The following SH3GL3 variants were observed in gnomAD, a reference collection of about 807,000 sequenced individuals.
SH3GL3 encodes the protein SH3 domain containing GRB2 like 3, endophilin A3.
Under a neutral mutation model 47.7 loss-of-function variants are expected in SH3GL3, and 33 were observed. That is an observed-to-expected ratio of 0.69 (90% CI 0.52 to 0.92). SH3GL3 has a LOEUF of 0.92. Among genes scored for constraint, SH3GL3 ranks in the 40% least tolerant of loss-of-function variants. The probability of loss-of-function intolerance (pLI) is 0.00; values close to 1 mark genes in which losing one functional copy is unlikely to be tolerated. For missense variants in SH3GL3, 363 were observed against 417.8 expected (o/e 0.87, Z 1.14); for synonymous variants, 155 against 148.8 (o/e 1.04, Z -0.30).
intron 1 of SH3GL3, among the ~76,000 whole-genome samples, chr15:83,478,786 A>G (rs1012974559): frequency 2.6e-5 from 4 of 152,214 alleles, no homozygotes; most frequent in Middle Eastern, 3.2e-3. Flanking sequence ...GGTGGACTCA[A>G]CTTTGGGGAT....
In SH3GL3 at chr15:83,559,339, T is replaced by C. The variant is rs370735489; in HGVS notation, c.114+18T>C. 1.3e-5 allele frequency: 18 copies of C among 1,358,018 alleles called. No homozygotes were observed. Among genetic ancestry groups the C allele is most frequent in the Admixed American group, 6.7e-5 (4 of 59,488 alleles). The allele number at this position is 1,358,018 out of a possible 1,614,324, so 84.1% of individuals were successfully genotyped here. A position where few individuals can be genotyped will look rare whatever the true frequency, so the allele number is the denominator to read the frequency against. Reference sequence around the variant, plus strand: ...TGGAAAGGGTAAGAGCATTTTAATATGTAAATTGATTAGAAACTGACTTTC... The same window carrying C: ...TGGAAAGGGTAAGAGCATTTTAATACGTAAATTGATTAGAAACTGACTTTC... On this transcript the variant is annotated intron_variant, in intron 2 of 8. Coordinates refer to ENST00000427482, the MANE Select transcript of SH3GL3 (RefSeq NM_003027.5).
downstream of SH3GL3, among the ~76,000 whole-genome samples, chr15:83,620,813 T>A (rs906601332): frequency 6.6e-6 from 1 of 152,258 alleles, no homozygotes; most frequent in African/African-American, 2.4e-5. Context: ...AGAGATTGAC[T>A]TCTCTAACTA....
At chr15:83,627,411 A>G in the SH3GL3 span, among the ~76,000 whole-genome samples, 20,628 of 151,008 alleles carry the variant, frequency 0.14, 1,972 homozygotes, top group East Asian at 0.27. Context: ...AAAAAAAAAA[A>G]AAGAAAAGAA....
intron 1 of SH3GL3, among the ~76,000 whole-genome samples, chr15:83,460,546 A>G (rs1169743413): frequency 1.3e-5 from 2 of 152,158 alleles, no homozygotes; most frequent in Non-Finnish European, 2.9e-5. Flanking sequence ...TTGCCTTTTC[A>G]GTAAATGGCC....
chr15:83,611,826 C>A (rs2060675594), intron 8 of SH3GL3, among the ~76,000 whole-genome samples: 1 of 152,136 alleles, frequency 6.6e-6, no homozygotes, highest in Non-Finnish European at 1.5e-5. Flanking sequence ...TTGAGGAAAT[C>A]CAGCCCATTC....
In SH3GL3 at chr15:83,581,557, C is replaced by T. The variant is rs1042170981; in HGVS notation, c.624+4816C>T. Among the ~76,000 whole-genome samples, 9 of 152,280 alleles carry T rather than the reference C, an allele frequency of 5.9e-5. 1 individual carries two copies. Among genetic ancestry groups the T allele is most frequent in the Admixed American group, 4.6e-4 (7 of 15,308 alleles). ...TGTGGCCACTTCACAAACCCACTTT[C>T]TTGAGAAATCCGGAGCCCAGAGCCA... On this transcript the variant is annotated intron_variant, in intron 6 of 8. Transcript: ENST00000427482.
chr15:83,613,623 CT>C (rs1363450189), intron 8 of SH3GL3, among the ~76,000 whole-genome samples: 450 of 12,550 alleles, frequency 0.036, 2 homozygotes, highest in African/African-American at 0.12. Flanking sequence ...ATATATAAAT[CT>C]ATCTATCTAT....
intron 4 of SH3GL3, among the ~76,000 whole-genome samples, chr15:83,569,195 C>T (rs537144072): frequency 6.6e-6 from 1 of 152,238 alleles, no homozygotes; most frequent in African/African-American, 2.4e-5. Flanking sequence ...CTGCACTTGG[C>T]TTGTTGTGTA....
intron 2 of SH3GL3, among the ~76,000 whole-genome samples, chr15:83,563,846 C>A (rs541965309): frequency 5.3e-5 from 8 of 152,272 alleles, no homozygotes; most frequent in African/African-American, 1.7e-4. Context: ...CCATATTGGC[C>A]AGCCTGGTCT....
At chr15:83,513,781 A>G (rs1171549197) in intron 1 of SH3GL3, among the ~76,000 whole-genome samples, 1 of 152,200 alleles carries the variant, frequency 6.6e-6, no homozygotes, top group Admixed American at 6.5e-5. Flanking sequence ...CTAACCCAAG[A>G]GCAACCTGAG....
At chr15:83,610,696 T>C (rs1010266223) in intron 8 of SH3GL3, among the ~76,000 whole-genome samples, 1 of 152,070 alleles carries the variant, frequency 6.6e-6, no homozygotes, top group Non-Finnish European at 1.5e-5. Context: ...TTGTGTTAAA[T>C]TTGTGTCCTC....
intron 1 of SH3GL3, among the ~76,000 whole-genome samples, chr15:83,490,265 G>GTTTT (rs1196742768): frequency 7.5e-6 from 1 of 133,080 alleles, no homozygotes; most frequent in Non-Finnish European, 1.6e-5. Flanking sequence ...GTGATTTTGC[G>GTTTT]TTTTTTTTTT....
In SH3GL3 at chr15:83,603,305, G is replaced by A. The variant is rs143922159; in HGVS notation, c.838+14534G>A. The stretch of plus-strand genomic sequence containing the variant: ...GCCACAACTTGATTTCTTAAAAAAC[G>A]TAATGAGCTTCTGATCTATATACCT... On this transcript the variant is annotated intron_variant, in intron 8 of 8. Coordinates refer to ENST00000427482, the MANE Select transcript of SH3GL3 (RefSeq NM_003027.5). 2.0e-3 allele frequency among the ~76,000 whole-genome samples: 300 copies of A among 152,262 alleles called. 2 individuals are homozygous for A. The highest frequency in any genetic ancestry group is 6.3e-3 in the African/African-American group (260 of 41,566).
intron 1 of SH3GL3, among the ~76,000 whole-genome samples, chr15:83,523,530 G>A (rs887278286): frequency 6.6e-6 from 1 of 152,188 alleles, no homozygotes; most frequent in African/African-American, 2.4e-5. Context: ...TTCCCAGAGG[G>A]CAGTGAGGCT....
chr15:83,533,226 G>T (rs955960648), intron 1 of SH3GL3, among the ~76,000 whole-genome samples: 6 of 152,166 alleles, frequency 3.9e-5, no homozygotes, highest in Non-Finnish European at 2.9e-5. Flanking sequence ...TAGAATATGG[G>T]GAAATAATGG....
intron 1 of SH3GL3, among the ~76,000 whole-genome samples, chr15:83,504,846 T>C (rs896241535): frequency 6.6e-5 from 10 of 152,198 alleles, no homozygotes; most frequent in Admixed American, 6.5e-4. Context: ...TTGGGGGTAA[T>C]TTTTTAGCAG....
intron 1 of SH3GL3, among the ~76,000 whole-genome samples, chr15:83,473,175 T>C (rs1269538118): frequency 8.8e-6 from 1 of 113,194 alleles, no homozygotes; most frequent in Non-Finnish European, 1.7e-5. Flanking sequence ...TTTCTGCTGA[T>C]GGAGGCGAAA....
At chr15:83,627,752 A>G in the SH3GL3 span, among the ~76,000 whole-genome samples, 3 of 152,202 alleles carry the variant, frequency 2.0e-5, no homozygotes, top group Non-Finnish European at 2.9e-5. Context: ...TAAACAGAGA[A>G]TGGTGCCTTA....
chr15:83,546,284 GA>G (rs1275052928), intron 1 of SH3GL3, among the ~76,000 whole-genome samples: 3 of 151,802 alleles, frequency 2.0e-5, no homozygotes, highest in African/African-American at 7.3e-5. Flanking sequence ...TCCTCAAGCA[GA>G]AGGAGTCTCT....
Sources: allele counts gnomAD v4.1 joint callset (sites outside exome capture counted in the v4.1 genomes callset), GRCh38; gene constraint gnomAD v4.1.1; transcripts MANE v1.5; gene names NCBI Gene and HGNC (gene_info 2026-07-23, HGNC 2026-07-21).